Variants in CACNA1A observed in about 807,000 individuals in gnomAD.
The protein encoded by CACNA1A is calcium voltage-gated channel subunit alpha1 A.
CACNA1A carries 57 observed loss-of-function variants against 262.4 expected under a neutral mutation model. The observed-to-expected ratio is 0.22, with a 90% confidence interval of 0.18 to 0.27. CACNA1A has a LOEUF of 0.27. Among genes scored for constraint, CACNA1A ranks in the 10% least tolerant of loss-of-function variants. The pLI is 1.00. For synonymous variants in CACNA1A, 1,431 were observed against 1,419.3 expected (o/e 1.01, Z -0.18); for missense variants, 2,526 against 3,562.8 (o/e 0.71, Z 7.41).
chr19:13,459,938 G>C (rs2061087599), intron 1 of CACNA1A, among the ~76,000 whole-genome samples: 2 of 152,162 alleles, frequency 1.3e-5, no homozygotes, highest in African/African-American at 4.8e-5. Flanking sequence ...TCTGGGTATG[G>C]CAATAAAACC....
chr19:13,392,800 A>G (rs1455732468), intron 3 of CACNA1A, among the ~76,000 whole-genome samples: 1 of 151,924 alleles, frequency 6.6e-6, no homozygotes, highest in Admixed American at 6.6e-5. Context: ...AGGCTGGAGT[A>G]CAGTAGTGCA....
Position 13,209,472 on chromosome 19 carries a change from C to A in CACNA1A, c.6366G>T (p.Lys2122Asn), listed in dbSNP as rs1208181261. ...TGGGGCCCAGCACGGAGGCTGAACG[C>A]TTCATGGGGCTGGTGTCTGAGATGG... ...LSTISDTSPM[K>N]RSASVLGPKA... is the part of the protein sequence containing the mutation. Residue 2122 changes from lysine (K) to asparagine (N), a missense_variant, in exon 45 of 47, where the codon AAG (lysine) becomes AAT (asparagine). Lys to Asn is a moderately conservative substitution (Grantham distance 94). Transcript: ENST00000360228. The A allele has an allele frequency of 7.4e-7, 1 of 1,343,378 alleles. No homozygotes were observed. Among genetic ancestry groups the A allele is most frequent in the Non-Finnish European group, 9.6e-7 (1 of 1,041,280 alleles). The allele number at this position is 1,343,378 out of a possible 1,614,324, so 83.2% of individuals were successfully genotyped here.
chr19:13,357,075 C>T lies in CACNA1A; in HGVS notation c.978+2531G>A, dbSNP rs538252888. 2.4e-4 allele frequency among the ~76,000 whole-genome samples: 37 copies of T among 152,248 alleles called. 2 individuals carry two copies. In the South Asian group the frequency reaches 6.8e-3, roughly 28 times the overall value. On this transcript the variant is annotated intron_variant, in intron 6 of 46. Coordinates refer to ENST00000360228, the MANE Select transcript of CACNA1A (RefSeq NM_001127222.2). The stretch of plus-strand genomic sequence containing the variant: ...ACATTCTTGTGCAGTGCGTGACAGG[C>T]GCAACTGTTCATGTGGCTCCTTTTG...
chr19:13,259,777 A>C, intron 26 of CACNA1A, 76 bp from the exon 27 acceptor site: 3 of 1,527,462 alleles, frequency 2.0e-6, no homozygotes, highest in Non-Finnish European at 2.7e-6. Context: ...TATCAGAGAC[A>C]GGGGGAGGGA....
At chr19:13,328,565 T>A (rs1373157127) in intron 10 of CACNA1A, among the ~76,000 whole-genome samples, 1 of 152,164 alleles carries the variant, frequency 6.6e-6, no homozygotes, top group East Asian at 1.9e-4. Context: ...GCTCTTTGAA[T>A]AATGAGTTGA....
At chr19:13,479,242 CAGAT>C (rs1343382731) in intron 1 of CACNA1A, among the ~76,000 whole-genome samples, 1 of 152,074 alleles carries the variant, frequency 6.6e-6, no homozygotes, top group Non-Finnish European at 1.5e-5. Flanking sequence ...TGTAGGGTGA[CAGAT>C]AGCAGACAGA....
intron 28 of CACNA1A, among the ~76,000 whole-genome samples, chr19:13,255,932 T>C (rs72997757): frequency 0.59 from 71,662 of 122,326 alleles, 22,166 homozygotes; most frequent in Non-Finnish European, 0.64. Flanking sequence ...ATCTCCTTCC[T>C]TCCCTCCCTC....
intron 3 of CACNA1A, among the ~76,000 whole-genome samples, chr19:13,413,145 C>T (rs565804251): frequency 2.7e-5 from 4 of 149,156 alleles, no homozygotes; most frequent in Admixed American, 6.7e-5. Context: ...CGCGCTCTGT[C>T]GCCCAGGCTG....
intron 3 of CACNA1A, among the ~76,000 whole-genome samples, chr19:13,414,522 G>T (rs948862721): frequency 3.9e-5 from 6 of 152,180 alleles, no homozygotes; most frequent in Non-Finnish European, 8.8e-5. Context: ...CACAAGAAAG[G>T]TGTCATCTAG....
At chr19:13,458,976 G>A (rs2061066457) in intron 1 of CACNA1A, among the ~76,000 whole-genome samples, 1 of 152,146 alleles carries the variant, frequency 6.6e-6, no homozygotes, top group Non-Finnish European at 1.5e-5. Context: ...CATTCTCCTT[G>A]GTGGGGCTGT....
At chr19:13,262,698 T>TC (rs747714608) in intron 25 of CACNA1A, 36 bp downstream of exon 25, 71 of 1,300,904 alleles carry the variant, frequency 5.5e-5, no homozygotes, top group Middle Eastern at 1.9e-4. Context: ...ACCCTGACAG[T>TC]CCCCCCCACC....
Position 13,207,306 on chromosome 19 carries a change from C to T in CACNA1A, c.*7G>A. The T allele has an allele frequency of 6.5e-7, 1 of 1,549,068 alleles. No individual in the cohort carries two copies. Among genetic ancestry groups the T allele is most frequent in the South Asian group, 1.2e-5 (1 of 86,238 alleles). ...GGGGGGCCGGGCGGGCGCCACCTCG[C>T]CCGGGCTTAGCACCAATCATCGTCA... On this transcript the variant is annotated 3_prime_UTR_variant, in exon 47 of 47. Coordinates refer to ENST00000360228, the MANE Select transcript of CACNA1A (RefSeq NM_001127222.2). The surrounding 1 kb of genome is among the most constrained non-coding windows in gnomAD (Gnocchi z 5.7).
intron 3 of CACNA1A, among the ~76,000 whole-genome samples, chr19:13,412,634 T>C (rs928546871): frequency 1.4e-4 from 22 of 151,786 alleles, no homozygotes; most frequent in African/African-American, 5.3e-4. Flanking sequence ...CGTGCCACCA[T>C]ACCTGACTAA....
chr19:13,365,030 A>G (rs1016938780), intron 5 of CACNA1A: 1 of 237,338 alleles, frequency 4.2e-6, no homozygotes, highest in African/African-American at 2.2e-5. Context: ...CACACTCTTT[A>G]AAAGATCCCT....
intron 21 of CACNA1A, among the ~76,000 whole-genome samples, chr19:13,284,728 G>T (rs1334958404): frequency 6.6e-6 from 1 of 151,956 alleles, no homozygotes; most frequent in Non-Finnish European, 1.5e-5. Context: ...TTTCTAAGGG[G>T]GTGCCTCTTA....
At chr19:13,504,298 G>A (rs2069088241) in intron 1 of CACNA1A, among the ~76,000 whole-genome samples, 2 of 152,152 alleles carry the variant, frequency 1.3e-5, no homozygotes, top group South Asian at 2.1e-4. Context: ...CTGAAACTTA[G>A]GAAGCAAAGA....
chr19:13,387,794 G>C (rs761496030), intron 3 of CACNA1A, among the ~76,000 whole-genome samples: 2 of 152,158 alleles, frequency 1.3e-5, no homozygotes, highest in African/African-American at 2.4e-5. Context: ...AAGAGTTTGA[G>C]GCTGCAGTGA....
At chr19:13,426,629 G>C (rs76077392) in intron 3 of CACNA1A, among the ~76,000 whole-genome samples, 3,017 of 152,274 alleles carry the variant, frequency 0.02, 96 homozygotes, top group African/African-American at 0.068. Flanking sequence ...CTAATACTTG[G>C]AATTAAAGAC....
chr19:13,469,284 C>T (rs1387832369), intron 1 of CACNA1A, among the ~76,000 whole-genome samples: 3 of 152,128 alleles, frequency 2.0e-5, no homozygotes, highest in African/African-American at 7.2e-5. Context: ...CTCCAATTTC[C>T]CTGTGGAGAG....
Sources: gnomAD v4.1 joint callset for allele counts (sites outside exome capture counted in the v4.1 genomes callset) on GRCh38, gnomAD v4.1.1 for gene constraint, Gnocchi (gnomAD v3.1) non-coding constraint, MANE v1.5 for transcripts, NCBI Gene and HGNC (gene_info 2026-07-23, HGNC 2026-07-21) for gene names.